Variants in PDGFD observed in about 807,000 individuals in gnomAD.
The protein encoded by PDGFD is platelet derived growth factor D, also known as platelet-derived growth factor D.
In PDGFD, 30 loss-of-function variants were observed where a neutral mutation model predicts 44.7. The ratio of observed to expected loss-of-function variants is 0.67; its 90% CI spans 0.50 to 0.91. PDGFD has a LOEUF of 0.91. Among genes scored for constraint, PDGFD ranks in the 40% least tolerant of loss-of-function variants. The pLI is 0.00. For missense variants in PDGFD, 445 were observed against 457.8 expected (o/e 0.97, Z 0.25); for synonymous variants, 173 against 168.4 (o/e 1.03, Z -0.21).
rs1165646060 is a variant in PDGFD, at chr11:103,908,279, C to T, written c.*1415G>A. On this transcript the variant is annotated 3_prime_UTR_variant, in exon 7 of 7. Transcript: ENST00000393158. The stretch of plus-strand genomic sequence containing the variant: ...ATCATTTCCTACTCCTGGAGTTAGT[C>T]TCCTTTAAAACAGACACAAAGGAGG... 1 of 152,156 alleles carries T rather than the reference C, an allele frequency of 6.6e-6. No individual in the cohort carries two copies. The highest frequency in any genetic ancestry group is 2.4e-5 in the African/African-American group (1 of 41,440). The allele number at this position is 152,156 out of a possible 1,614,324, so 9.4% of individuals were successfully genotyped here. A position where few individuals can be genotyped will look rare whatever the true frequency, so the allele number is the denominator to read the frequency against.
intron 1 of PDGFD, among the ~76,000 whole-genome samples, chr11:104,032,252 G>A (rs1860139503): frequency 6.6e-6 from 1 of 152,056 alleles, no homozygotes; most frequent in Non-Finnish European, 1.5e-5. Context: ...CATGTTATTT[G>A]CTCATGACTG....
chr11:104,031,557 A>T (rs1398318281), intron 1 of PDGFD, among the ~76,000 whole-genome samples: 1 of 152,206 alleles, frequency 6.6e-6, no homozygotes, highest in Non-Finnish European at 1.5e-5. Context: ...ACTTTAAATT[A>T]GTTCAACCAT....
chr11:104,071,578 G>T (rs1860878070), intron 1 of PDGFD, among the ~76,000 whole-genome samples: 1 of 151,528 alleles, frequency 6.6e-6, no homozygotes, highest in African/African-American at 2.4e-5. Flanking sequence ...AATATTGTAA[G>T]TATTTTCTCC....
chr11:103,925,510 T>C lies in PDGFD; in HGVS notation c.987+1402A>G, dbSNP rs184958356. On this transcript the variant is annotated intron_variant, in intron 6 of 6. Transcript: ENST00000393158. ...CAACTCTGGAAGGGGTTATCTGATA[T>C]ATTAATTTTTCAGTCCTATTTAAAT... 4.8e-3 allele frequency among the ~76,000 whole-genome samples: 722 copies of C among 151,888 alleles called. 11 individuals are homozygous for C. The highest frequency in any genetic ancestry group is 4.4e-3 in the Non-Finnish European group (301 of 67,946).
At chr11:104,136,227 A>G (rs1862001481) in intron 1 of PDGFD, among the ~76,000 whole-genome samples, 1 of 152,202 alleles carries the variant, frequency 6.6e-6, no homozygotes, top group Non-Finnish European at 1.5e-5. Context: ...GACAGGCAAG[A>G]GAGTCAAGGC....
intron 1 of PDGFD, among the ~76,000 whole-genome samples, chr11:104,032,209 A>G (rs1407666922): frequency 1.3e-5 from 2 of 152,082 alleles, no homozygotes; most frequent in Admixed American, 6.6e-5. Context: ...AATAATGAAT[A>G]AATAAATAAA....
At chr11:103,938,059 G>A (rs1413641226) in intron 5 of PDGFD, among the ~76,000 whole-genome samples, 1 of 151,456 alleles carries the variant, frequency 6.6e-6, no homozygotes, top group Non-Finnish European at 1.5e-5. Context: ...AATCCTTTGG[G>A]TATATACCCA....
chr11:104,068,805 C>T (rs909450119), intron 1 of PDGFD, among the ~76,000 whole-genome samples: 4 of 113,618 alleles, frequency 3.5e-5, no homozygotes, highest in African/African-American at 4.9e-5. Context: ...TTTTATTCTT[C>T]TCTCTCCCTT....
At chr11:104,006,699 G>A (rs1859707923) in intron 1 of PDGFD, among the ~76,000 whole-genome samples, 1 of 152,180 alleles carries the variant, frequency 6.6e-6, no homozygotes, top group South Asian at 2.1e-4. Flanking sequence ...GAGAAGAGAA[G>A]GAGCATCTGA....
chr11:103,922,636 A>G (rs1456750125), intron 6 of PDGFD, among the ~76,000 whole-genome samples: 1 of 152,070 alleles, frequency 6.6e-6, no homozygotes. Flanking sequence ...TGCAACCTTG[A>G]ACTCCTGGGC....
intron 1 of PDGFD, among the ~76,000 whole-genome samples, chr11:104,157,832 G>T (rs980775575): frequency 3.9e-5 from 6 of 152,098 alleles, no homozygotes; most frequent in African/African-American, 1.4e-4. Context: ...AAATATATGA[G>T]GTAATGCATA....
At chr11:104,148,207 C>G (rs2119896107) in intron 1 of PDGFD, among the ~76,000 whole-genome samples, 1 of 152,216 alleles carries the variant, frequency 6.6e-6, no homozygotes, top group African/African-American at 2.4e-5. Context: ...ATATAAAACA[C>G]ATAAAACTTG....
chr11:104,034,588 T>C (rs991354292), intron 1 of PDGFD, among the ~76,000 whole-genome samples: 12 of 151,658 alleles, frequency 7.9e-5, no homozygotes, highest in Admixed American at 7.2e-4. Context: ...GGTTCATAAG[T>C]AGGTACACCT....
At chr11:104,012,215 G>A (rs260844) in intron 1 of PDGFD, among the ~76,000 whole-genome samples, 107,208 of 151,952 alleles carry the variant, frequency 0.71, 37,908 homozygotes, top group Admixed American at 0.77. Flanking sequence ...GATATTTCTC[G>A]GAATTATCTG....
intron 5 of PDGFD, among the ~76,000 whole-genome samples, chr11:103,942,446 T>A (rs1858599344): frequency 6.6e-6 from 1 of 152,124 alleles, no homozygotes; most frequent in African/African-American, 2.4e-5. Context: ...GATATTTATT[T>A]TTTTAGTTTA....
chr11:104,135,529 G>T (rs574574376), intron 1 of PDGFD, among the ~76,000 whole-genome samples: 1 of 152,302 alleles, frequency 6.6e-6, no homozygotes, highest in African/African-American at 2.4e-5. Context: ...GAAAGACTGG[G>T]TGAAATGAGG....
At chr11:104,001,145 A>C (rs1438528324) in intron 1 of PDGFD, among the ~76,000 whole-genome samples, 1 of 152,194 alleles carries the variant, frequency 6.6e-6, no homozygotes, top group African/African-American at 2.4e-5. Context: ...CTGGGGATGA[A>C]AGACGGATTG....
chr11:104,019,449 A>G (rs1337999505), intron 1 of PDGFD, among the ~76,000 whole-genome samples: 1 of 152,218 alleles, frequency 6.6e-6, no homozygotes, highest in East Asian at 1.9e-4. Flanking sequence ...CTAGTCAACT[A>G]AATTCTGCCA....
chr11:103,947,633 T>G (rs767617145), intron 4 of PDGFD, 29 bp downstream of exon 4: 1 of 1,590,890 alleles, frequency 6.3e-7, no homozygotes, highest in Non-Finnish European at 8.6e-7. Flanking sequence ...CCGTTTCTTT[T>G]GCTGGCAACA....
Sources: allele counts gnomAD v4.1 joint callset (sites outside exome capture counted in the v4.1 genomes callset), GRCh38; gene constraint gnomAD v4.1.1; transcripts MANE v1.5; gene names NCBI Gene and HGNC (gene_info 2026-07-23, HGNC 2026-07-21).